The following BCAS4 variants were observed in gnomAD, a reference collection of about 807,000 sequenced individuals.
BCAS4 encodes the protein breast carcinoma-amplified sequence 4.
In BCAS4, 9 loss-of-function variants were observed where a neutral mutation model predicts 15.7. The ratio of observed to expected loss-of-function variants is 0.57; its 90% CI spans 0.34 to 1.00. The LOEUF (loss-of-function observed/expected upper bound fraction) is 1.00, where lower values mean the gene tolerates loss of function less well. Among genes scored for constraint, BCAS4 ranks in the 50% least tolerant of loss-of-function variants. The probability of loss-of-function intolerance (pLI) is 0.02; values close to 1 mark genes in which losing one functional copy is unlikely to be tolerated. For synonymous variants in BCAS4, 101 were observed against 99.5 expected, an observed-to-expected ratio of 1.02 and a Z score of -0.09; for missense variants, 225 against 239.1, an observed-to-expected ratio of 0.94 and a Z score of 0.39.
At chr20:50,825,898 A>T (rs1177896397) in intron 2 of BCAS4, among the ~76,000 whole-genome samples, 1 of 152,028 alleles carries the variant, frequency 6.6e-6, no homozygotes, top group Non-Finnish European at 1.5e-5. Flanking sequence ...ACAAAAACAA[A>T]ACTAAATAAA....
rs533170671 is a variant in BCAS4 at position 50,851,104 on chromosome 20, C to T, written c.399+9204C>T. On this transcript the variant is annotated intron_variant, in intron 4 of 4. Transcript: ENST00000371608. This position sits in a 1 kb window ranked among gnomAD's most constrained non-coding sequence, Gnocchi z 4.3. ...GTGCTGGGTCTCTCCCCTGCAGAAT[C>T]CCCCTGCAGGAGGTGACTCGGGGAG... Among the ~76,000 whole-genome samples the T allele has an allele frequency of 9.5e-4, 102 of 107,884 alleles. No homozygotes were observed. Among genetic ancestry groups the T allele is most frequent in the Non-Finnish European group, 1.5e-3 (79 of 53,476 alleles). 70.8% of individuals were successfully genotyped at this position (107,884 alleles called of 152,430 possible).
At chr20:50,857,684 C>T (rs1978839485) in intron 4 of BCAS4, among the ~76,000 whole-genome samples, 1 of 152,144 alleles carries the variant, frequency 6.6e-6, no homozygotes, top group South Asian at 2.1e-4. Flanking sequence ...TGTCAAAGTG[C>T]AAATTCGAGG....
intron 4 of BCAS4, among the ~76,000 whole-genome samples, chr20:50,859,103 T>TTTATTA (rs952890840): frequency 6.6e-6 from 1 of 151,722 alleles, no homozygotes; most frequent in African/African-American, 2.4e-5. Context: ...GCCCGGCTAA[T>TTTATTA]TTATTATTAT....
At chr20:50,796,502 T>A (rs1167056580) in intron 1 of BCAS4, among the ~76,000 whole-genome samples, 3 of 47,472 alleles carry the variant, frequency 6.3e-5, no homozygotes, top group African/African-American at 2.4e-4. Flanking sequence ...TTTTTTTTTT[T>A]TTTTTTTTTT....
intron 1 of BCAS4, among the ~76,000 whole-genome samples, chr20:50,796,434 T>C (rs1176383512): frequency 7.3e-6 from 1 of 136,074 alleles, no homozygotes; most frequent in Non-Finnish European, 1.6e-5. Context: ...TTTTCTCTTT[T>C]TTCTTTTTCT....
chr20:50,847,139 G>T (rs1382960660), intron 4 of BCAS4, among the ~76,000 whole-genome samples: 2 of 150,426 alleles, frequency 1.3e-5, no homozygotes, highest in East Asian at 4.0e-4. Flanking sequence ...TGAAAAGCCA[G>T]CCGGTAGAGT....
intron 4 of BCAS4, among the ~76,000 whole-genome samples, chr20:50,849,727 G>T (rs1315228875): frequency 6.6e-6 from 1 of 152,228 alleles, no homozygotes; most frequent in African/African-American, 2.4e-5. Context: ...CTATATGGGG[G>T]AGAAAGCTGG....
At chr20:50,862,518 C>G (rs943189741) in intron 4 of BCAS4, among the ~76,000 whole-genome samples, 1 of 151,990 alleles carries the variant, frequency 6.6e-6, no homozygotes, top group Non-Finnish European at 1.5e-5. Flanking sequence ...GCAGTGCTGC[C>G]GGGGAGAAGG....
intron 1 of BCAS4, among the ~76,000 whole-genome samples, chr20:50,806,330 A>T (rs528106406): frequency 1.4e-4 from 21 of 152,344 alleles, no homozygotes; most frequent in African/African-American, 5.0e-4. Flanking sequence ...CTCAGGCCAC[A>T]GCTCTTCCAG....
At chr20:50,865,284 A>AAAG (rs1979300949) in intron 4 of BCAS4, among the ~76,000 whole-genome samples, 3 of 151,950 alleles carry the variant, frequency 2.0e-5, no homozygotes, top group African/African-American at 7.3e-5. Flanking sequence ...GGGCAGGAGG[A>AAAG]AAGAGGGGAC....
chr20:50,858,965 G>A (rs1978922449), intron 4 of BCAS4, among the ~76,000 whole-genome samples: 1 of 150,278 alleles, frequency 6.7e-6, no homozygotes, highest in Non-Finnish European at 1.5e-5. Flanking sequence ...ACAGAATCTT[G>A]CCCTGTCACC....
chr20:50,866,391 C>T (rs2123844109), intron 4 of BCAS4, among the ~76,000 whole-genome samples: 1 of 152,322 alleles, frequency 6.6e-6, no homozygotes, highest in African/African-American at 2.4e-5. Context: ...TCCTGCAGGC[C>T]AGGCGGGGAC....
intron 3 of BCAS4, among the ~76,000 whole-genome samples, chr20:50,839,613 G>A (rs749347131): frequency 4.6e-5 from 7 of 152,018 alleles, no homozygotes; most frequent in African/African-American, 1.7e-4. Flanking sequence ...AGTAATTCTC[G>A]TACCTTAGTC....
chr20:50,829,966 C>T (rs1366454241), intron 2 of BCAS4, among the ~76,000 whole-genome samples: 2 of 152,318 alleles, frequency 1.3e-5, no homozygotes, highest in Non-Finnish European at 2.9e-5. Context: ...GATTCTGATT[C>T]TTTCCATTCG....
intron 1 of BCAS4, among the ~76,000 whole-genome samples, chr20:50,814,243 A>G (rs1483000510): frequency 6.6e-6 from 1 of 152,180 alleles, no homozygotes; most frequent in Non-Finnish European, 1.5e-5. Context: ...GGGACTGACC[A>G]TAGCTGACAA....
chr20:50,803,954 G>A (rs769504952), intron 1 of BCAS4, among the ~76,000 whole-genome samples: 17 of 152,108 alleles, frequency 1.1e-4, no homozygotes, highest in Non-Finnish European at 2.4e-4. Flanking sequence ...TGGTCTGATT[G>A]GTCTGTTGGA....
chr20:50,837,830 G>A (rs544520326), intron 3 of BCAS4, among the ~76,000 whole-genome samples: 88 of 152,346 alleles, frequency 5.8e-4, no homozygotes, highest in Middle Eastern at 6.8e-3. Context: ...CGCTGGGAGC[G>A]TAAAATTGGA....
chr20:50,841,061 C>A (rs930467032), intron 3 of BCAS4: 2 of 341,286 alleles, frequency 5.9e-6, no homozygotes, highest in Non-Finnish European at 1.1e-5. Context: ...AACTCCTGAC[C>A]TCAGGTGATC....
intron 4 of BCAS4, among the ~76,000 whole-genome samples, chr20:50,861,969 T>TC (rs1806134581): frequency 6.8e-6 from 1 of 147,012 alleles, no homozygotes. Flanking sequence ...TCCTCCTGCC[T>TC]CAGCCTCCCA....
Sources: allele counts gnomAD v4.1 joint callset (sites outside exome capture counted in the v4.1 genomes callset), GRCh38; gene constraint gnomAD v4.1.1; non-coding constraint Gnocchi (gnomAD v3.1); transcripts MANE v1.5; gene names NCBI Gene and HGNC (gene_info 2026-07-23, HGNC 2026-07-21).